MID1: variants seen among roughly 807,000 people sequenced by gnomAD.
MID1 encodes the protein midline 1, also known as E3 ubiquitin-protein ligase Midline-1.
A neutral mutation model predicts 40.4 loss-of-function variants in MID1; 7 were observed. The ratio of observed to expected loss-of-function variants is 0.17; its 90% CI spans 0.10 to 0.33. The LOEUF is 0.33. Ranked by LOEUF, MID1 falls within the 10% of genes least tolerant of loss-of-function variation. The pLI is 1.00. For synonymous variants in MID1, 229 were observed against 221.2 expected (o/e 1.04, Z -0.31); for missense variants, 367 against 558.5 (o/e 0.66, Z 3.46).
chrX:10,712,434 G>A (rs903981322), intron 1 of MID1, among the ~76,000 whole-genome samples: 3 of 111,241 alleles, frequency 2.7e-5, no homozygotes, highest in Non-Finnish European at 5.7e-5. Flanking sequence ...CACCTCAAGT[G>A]AGCATGTGCA....
At chrX:10,705,306 T>C (rs2043222941) in intron 1 of MID1, among the ~76,000 whole-genome samples, 1 of 112,088 alleles carries the variant, frequency 8.9e-6, no homozygotes, top group Admixed American at 9.5e-5. Flanking sequence ...TGGGATTAAC[T>C]TTTTGCATCT....
chrX:10,547,186 T>C lies in MID1; in HGVS notation c.660+19702A>G, dbSNP rs1237459134. ...CACATGCCTGTAGTTCCAGCTACTCTGGAGGCTGAGCCGGGGAGGTCGAGG... is the reference window on the plus strand; with the variant it reads ...CACATGCCTGTAGTTCCAGCTACTCCGGAGGCTGAGCCGGGGAGGTCGAGG... On this transcript the variant is annotated intron_variant, in intron 2 of 9. Coordinates refer to ENST00000317552, the MANE Select transcript of MID1 (RefSeq NM_000381.4). Among the ~76,000 whole-genome samples the C allele has an allele frequency of 2.7e-5, 3 of 110,792 alleles. No homozygotes were observed. In the East Asian group the frequency reaches 8.6e-4, roughly 32 times the overall value.
At chrX:10,566,228 T>G (rs1048861861) in intron 2 of MID1, among the ~76,000 whole-genome samples, 1 of 111,764 alleles carries the variant, frequency 8.9e-6, no homozygotes, top group Non-Finnish European at 1.9e-5. Context: ...GTAACCTTAC[T>G]GAATAAAGAG....
At chrX:10,712,508 A>G (rs2043275829) in intron 1 of MID1, among the ~76,000 whole-genome samples, 1 of 111,209 alleles carries the variant, frequency 9.0e-6, no homozygotes, top group Non-Finnish European at 1.9e-5. Flanking sequence ...CCGTGCAAGC[A>G]GACAGCCCAC....
In MID1 at chrX:10,448,613, T is replaced by C. The variant is rs1480337326; in HGVS notation, c.*755A>G. 8.9e-6 allele frequency: 1 copy of C among 112,258 alleles called. No individual in the cohort carries two copies. Among genetic ancestry groups the C allele is most frequent in the Non-Finnish European group, 1.9e-5 (1 of 53,296 alleles). The allele number at this position is 112,258 out of a possible 1,213,427, so 9.3% of individuals were successfully genotyped here. A position where few individuals can be genotyped will look rare whatever the true frequency, so the allele number is the denominator to read the frequency against. ...TAATCAATAGGATTCAAAATGACTATTTTCAATTGCAATCTCATTCTTAAT... is the reference window on the plus strand; with the variant it reads ...TAATCAATAGGATTCAAAATGACTACTTTCAATTGCAATCTCATTCTTAAT... On this transcript the variant is annotated 3_prime_UTR_variant, in exon 10 of 10. Coordinates refer to ENST00000317552, the MANE Select transcript of MID1 (RefSeq NM_000381.4).
intron 1 of MID1, among the ~76,000 whole-genome samples, chrX:10,685,918 A>ACT (rs2043093859): frequency 9.5e-6 from 1 of 105,514 alleles, no homozygotes; most frequent in Admixed American, 1.0e-4. Context: ...ACACACACAC[A>ACT]CTCACCCCTA....
chrX:10,481,042 G>T (rs760160329), intron 5 of MID1, among the ~76,000 whole-genome samples: 1 of 111,790 alleles, frequency 8.9e-6, no homozygotes, highest in South Asian at 3.8e-4. Context: ...TAGGCCAGGG[G>T]TTGGCAAAGT....
In MID1 at chrX:10,650,801, T is replaced by G. The variant is rs1306779327; in HGVS notation, c.-186-30382A>C. On this transcript the variant is annotated intron_variant, in intron 1 of 10. Transcript: ENST00000380785. ...TGGCTTTTCTCTTAATCTCCCTTTT[T>G]GTGAGTTGATTTTTCAACAAACCTT... Among the ~76,000 whole-genome samples the G allele has an allele frequency of 2.7e-5, 3 of 111,170 alleles. No individual in the cohort carries two copies. In the East Asian group the frequency reaches 8.5e-4, roughly 32 times the overall value.
At chrX:10,696,146 G>A (rs1372584789) in intron 1 of MID1, among the ~76,000 whole-genome samples, 2 of 111,552 alleles carry the variant, frequency 1.8e-5, no homozygotes, top group Non-Finnish European at 3.8e-5. Flanking sequence ...GGAGTTGGGC[G>A]AGTGGGCTCA....
intron 1 of MID1, among the ~76,000 whole-genome samples, chrX:10,667,901 A>G (rs1294951763): frequency 8.9e-6 from 1 of 112,226 alleles, no homozygotes; most frequent in Admixed American, 9.5e-5. Context: ...CGTTGCAGGA[A>G]AGTAAGCCCC....
chrX:10,744,481 T>G (rs1273093448), intron 1 of MID1, among the ~76,000 whole-genome samples: 1 of 111,330 alleles, frequency 9.0e-6, no homozygotes, highest in Non-Finnish European at 1.9e-5. Context: ...AAAGGGAGCT[T>G]AGCTCTGACC....
chrX:10,674,514 C>A (rs1250454682), intron 1 of MID1, among the ~76,000 whole-genome samples: 1 of 112,012 alleles, frequency 8.9e-6, no homozygotes, highest in East Asian at 2.8e-4. Context: ...TTAATGATAA[C>A]CTCATAAGGC....
At chrX:10,623,365 T>TA (rs1935962198), upstream of MID1, among the ~76,000 whole-genome samples, 1 of 108,138 alleles carries the variant, frequency 9.2e-6, no homozygotes, top group South Asian at 4.0e-4. Flanking sequence ...GTGAAGTGAG[T>TA]AAAAGAGCTT....
At chrX:10,533,463 T>A (rs1180049810) in intron 2 of MID1, among the ~76,000 whole-genome samples, 1 of 32,888 alleles carries the variant, frequency 3.0e-5, no homozygotes, top group Non-Finnish European at 5.2e-5. Flanking sequence ...CTGGTATCCA[T>A]GTGGATGGTA....
intron 2 of MID1, among the ~76,000 whole-genome samples, chrX:10,538,359 G>A (rs1330131341): frequency 1.8e-5 from 2 of 110,959 alleles, no homozygotes; most frequent in Non-Finnish European, 3.8e-5. Context: ...TTTTTTAAAA[G>A]ACTCCTTGAC....
rs752171607 is a variant in MID1, at chrX:10,726,902, T to C, written c.-186-106483A>G. On this transcript the variant is annotated intron_variant, in intron 1 of 10. Transcript: ENST00000380785. The stretch of plus-strand genomic sequence containing the variant: ...AGGAATCAGTGGGCAAAGATTGCAT[T>C]CCTCTTTTCTGCCTGTGGCGTATGA... Among the ~76,000 whole-genome samples, 22 of 112,546 alleles carry C rather than the reference T, an allele frequency of 2.0e-4. No homozygotes were observed. In the South Asian group the frequency reaches 8.1e-3, roughly 42 times the overall value.
chrX:10,525,043 A>G (rs1441817663), intron 2 of MID1, among the ~76,000 whole-genome samples: 1 of 112,193 alleles, frequency 8.9e-6, no homozygotes, highest in Non-Finnish European at 1.9e-5. Context: ...CAAATTTATA[A>G]TGCCATCCAA....
At chrX:10,528,183 T>A (rs1932869509) in intron 2 of MID1, among the ~76,000 whole-genome samples, 1 of 111,390 alleles carries the variant, frequency 9.0e-6, no homozygotes, top group African/African-American at 3.3e-5. Flanking sequence ...GAGCCACAAA[T>A]GTGAGTCACA....
intron 1 of MID1, among the ~76,000 whole-genome samples, chrX:10,639,535 G>T (rs138120171): frequency 4.5e-5 from 5 of 111,810 alleles, no homozygotes; most frequent in African/African-American, 1.6e-4. Flanking sequence ...AATCTACGTC[G>T]GATTGGTGTG....
Sources: gnomAD v4.1 joint callset for allele counts (sites outside exome capture counted in the v4.1 genomes callset) on GRCh38, gnomAD v4.1.1 for gene constraint, MANE v1.5 for transcripts, NCBI Gene and HGNC (gene_info 2026-07-23, HGNC 2026-07-21) for gene names.